SF3B3: variants seen among roughly 807,000 people sequenced by gnomAD.
SF3B3 encodes SAP 130.
In SF3B3, 33 loss-of-function variants were observed where a neutral mutation model predicts 139.2. That is an observed-to-expected ratio of 0.24 (90% confidence interval 0.18 to 0.32). The LOEUF is 0.32. Among genes scored for constraint, SF3B3 ranks in the 10% least tolerant of loss-of-function variants. SF3B3 has a pLI of 1.00. For synonymous variants in SF3B3, 596 were observed against 563.6 expected (o/e 1.06, Z -0.81); for missense variants, 818 against 1,509.4 (o/e 0.54, Z 7.59).
chr16:70,535,294 A>G lies in SF3B3; in HGVS notation c.713-14A>G. 7.1e-7 allele frequency: 1 copy of G among 1,414,662 alleles called. No individual in the cohort carries two copies. The highest frequency in any genetic ancestry group is 9.7e-7 in the Non-Finnish European group (1 of 1,027,106). The allele number at this position is 1,414,662 out of a possible 1,614,324, so 87.6% of individuals were successfully genotyped here. A position where few individuals can be genotyped will look rare whatever the true frequency, so the allele number is the denominator to read the frequency against. On this transcript the variant is annotated splice_polypyrimidine_tract_variant and intron_variant, in intron 5 of 25. Transcript: ENST00000302516. Reference sequence around the variant, plus strand: ...TGAGTCAAAGTCACTGCTAAGTTTTATTTTCTCTCACAGTTCCAGGAGGGT... The same window carrying G: ...TGAGTCAAAGTCACTGCTAAGTTTTGTTTTCTCTCACAGTTCCAGGAGGGT...
Position 70,530,936 on chromosome 16 carries a change from C to T in SF3B3, c.570+19C>T, listed in dbSNP as rs776115986. 8.9e-6 allele frequency: 14 copies of T among 1,580,504 alleles called. No individual in the cohort carries two copies. In the South Asian group the frequency reaches 1.3e-4, roughly 14 times the overall value. ...TTATGAGGTAATGGGGACCCTGTCTCTTTGCGTTTCTTTCAGTCACCTCAG... is the reference window on the plus strand; with the variant it reads ...TTATGAGGTAATGGGGACCCTGTCTTTTTGCGTTTCTTTCAGTCACCTCAG... On this transcript the variant is annotated intron_variant, in intron 4 of 25. Coordinates refer to ENST00000302516, the MANE Select transcript of SF3B3 (RefSeq NM_012426.5).
intron 16 of SF3B3, chr16:70,561,364 GTT>G: frequency 3.1e-6 from 1 of 326,346 alleles, no homozygotes; most frequent in East Asian, 5.7e-5. Flanking sequence ...TTGTGGTACT[GTT>G]TTCATTTTAC....
intron 6 of SF3B3, chr16:70,538,049 T>A (rs1331196694): frequency 1.4e-5 from 9 of 627,528 alleles, no homozygotes; most frequent in African/African-American, 1.2e-4. Context: ...GTCTCTTCTC[T>A]GACATTTTTC....
intron 3 of SF3B3, among the ~76,000 whole-genome samples, chr16:70,530,133 A>AATAG (rs977992250): frequency 8.0e-6 from 1 of 125,652 alleles, no homozygotes; most frequent in African/African-American, 2.9e-5. Flanking sequence ...CTCAAAAATA[A>AATAG]ATAAATAAAT....
chr16:70,572,612 T>G lies in SF3B3; in HGVS notation c.*799T>G, dbSNP rs1177023673. 1.9e-5 allele frequency: 3 copies of G among 155,062 alleles called. No individual in the cohort carries two copies. Among genetic ancestry groups the G allele is most frequent in the Non-Finnish European group, 4.3e-5 (3 of 70,272 alleles). The allele number at this position is 155,062 out of a possible 1,614,324, so 9.6% of individuals were successfully genotyped here. ...TTAGTATGGGGATTTTAGCATGAAT[T>G]CTAGCTGGGGAGTCTTAACAGATGC... On this transcript the variant is annotated 3_prime_UTR_variant, in exon 26 of 26. Transcript: ENST00000302516.
intron 3 of SF3B3, chr16:70,529,616 C>A (rs932015442): frequency 2.8e-5 from 5 of 177,676 alleles, no homozygotes; most frequent in African/African-American, 9.6e-5. Flanking sequence ...ATCGTTAGAT[C>A]TATTTCAGAG....
chr16:70,530,689 A>C, intron 3 of SF3B3, 56 bp from the exon 4 acceptor site: 2 of 1,405,352 alleles, frequency 1.4e-6, no homozygotes, highest in South Asian at 2.6e-5. Flanking sequence ...GCTGTTCTAT[A>C]AGTCTCTCTT....
chr16:70,561,784 G>A lies in SF3B3; in HGVS notation c.2288G>A (p.Arg763Gln). The change falls in exon 17 of 26, where the codon CGG becomes CAG. Residue 763 changes from arginine to glutamine, a missense_variant and splice_region_variant. Arg to Gln is a conservative substitution (Grantham distance 43). This residue lies in a region of SF3B3 where 170 missense variants were observed against 353.0 expected (regional missense o/e 0.48). Transcript: ENST00000302516. ...GIVAISTNTL[R>Q]ILALEKLGAV... ...GTGGCCATCTCCACCAACACCCTAC[G>A]GTGAGTGAGTCTCATGTTTGAAGCT... 5 of 1,613,350 alleles carry A rather than the reference G, an allele frequency of 3.1e-6. No individual in the cohort carries two copies. The highest frequency in any genetic ancestry group is 1.1e-5 in the South Asian group (1 of 90,996).
intron 3 of SF3B3, 88 bp downstream of exon 3, chr16:70,529,287 T>C: frequency 9.3e-7 from 1 of 1,072,566 alleles, no homozygotes; most frequent in African/African-American, 1.6e-5. Flanking sequence ...AATTAATTAC[T>C]TATGTGGGTT....
At chr16:70,552,843 G>A (rs577275779) in intron 11 of SF3B3, among the ~76,000 whole-genome samples, 15 of 152,188 alleles carry the variant, frequency 9.9e-5, no homozygotes, top group Non-Finnish European at 1.9e-4. Context: ...TGCCTATTGT[G>A]CAACACATTA....
At position 70,571,090 on chromosome 16, in the gene SF3B3, G is replaced by C. The variant is rs1256348502; in HGVS notation, c.3409-5G>C. On this transcript the variant is annotated splice_region_variant and splice_polypyrimidine_tract_variant and intron_variant, in intron 24 of 25. Transcript: ENST00000302516. ...CAGTGACAGATTTTTTGTTTCTTCT[G>C]CCAGGACCATGACTTCTTCCAGCAT... 1 of 1,611,372 alleles carries C rather than the reference G, an allele frequency of 6.2e-7. No homozygotes were observed. The highest frequency in any genetic ancestry group is 8.5e-7 in the Non-Finnish European group (1 of 1,177,784).
At position 70,563,960 on chromosome 16, in the gene SF3B3, C is replaced by T. The variant is rs1320697572; in HGVS notation, c.2373C>T (p.His791=). 4 of 1,614,122 alleles carry T rather than the reference C, an allele frequency of 2.5e-6. No homozygotes were observed. The highest frequency in any genetic ancestry group is 3.4e-6 in the Non-Finnish European group (4 of 1,180,006). ...ACACACCCAGGAAATTTGTCATCCA[C>T]CCTGAGAGTAACAACCTTATTATCA... ...LQYTPRKFVI[H]PESNNLIIIE... Residue 791 remains histidine, a synonymous_variant, in exon 18 of 26, where the codon CAC becomes CAT. Transcript: ENST00000302516.
intron 7 of SF3B3, among the ~76,000 whole-genome samples, chr16:70,538,757 C>G (rs940578709): frequency 2.6e-5 from 4 of 152,162 alleles, no homozygotes; most frequent in African/African-American, 9.7e-5. Flanking sequence ...TAAACATGAT[C>G]TGTTACTTGT....
intron 9 of SF3B3, among the ~76,000 whole-genome samples, chr16:70,542,887 A>T (rs962156717): frequency 3.3e-5 from 5 of 151,518 alleles, no homozygotes; most frequent in African/African-American, 9.7e-5. Flanking sequence ...ATGCCCAGCT[A>T]ATTTTTTGTA....
At chr16:70,556,114 G>A in intron 13 of SF3B3, 65 bp from the exon 14 acceptor site, 3 of 1,536,696 alleles carry the variant, frequency 2.0e-6, no homozygotes, top group Non-Finnish European at 2.7e-6. Context: ...GGGTTTTGGG[G>A]TGAATTGGAG....
chr16:70,562,008 T>A (rs1221015516), intron 17 of SF3B3, among the ~76,000 whole-genome samples: 1 of 152,210 alleles, frequency 6.6e-6, no homozygotes. Context: ...GGCCAAGCTT[T>A]AATACAGTCC....
At chr16:70,563,739 G>A in intron 17 of SF3B3, 137 bp from the exon 18 acceptor site, 2 of 728,214 alleles carry the variant, frequency 2.7e-6, no homozygotes, top group African/African-American at 1.8e-5. Flanking sequence ...AGAGTAGGAG[G>A]CTGTTGTTTA....
At chr16:70,540,812 A>T (rs994355474) in intron 8 of SF3B3, among the ~76,000 whole-genome samples, 1 of 151,948 alleles carries the variant, frequency 6.6e-6, no homozygotes, top group African/African-American at 2.4e-5. Flanking sequence ...GGAATAACTC[A>T]TTGTATGTAC....
intron 11 of SF3B3, 200 bp downstream of exon 11, chr16:70,548,642 G>A: frequency 1.8e-6 from 1 of 550,400 alleles, no homozygotes; most frequent in Non-Finnish European, 3.3e-6. Flanking sequence ...GGTGGGAAAG[G>A]GGGAACATAG....
Sources: allele counts gnomAD v4.1 joint callset (sites outside exome capture counted in the v4.1 genomes callset), GRCh38; gene constraint gnomAD v4.1.1; regional missense constraint gnomAD v4.1.1; transcripts MANE v1.5; gene names NCBI Gene and HGNC (gene_info 2026-07-23, HGNC 2026-07-21).